Variants in MYRIP observed in about 807,000 individuals in gnomAD.
MYRIP encodes myosin VIIA and Rab interacting protein.
A neutral mutation model predicts 98.0 loss-of-function variants in MYRIP; 49 were observed. The observed-to-expected ratio is 0.50, with a 90% CI of 0.40 to 0.63. The LOEUF is 0.63. Ranked by LOEUF, MYRIP falls within the 30% of genes least tolerant of loss-of-function variation. The pLI, the probability that MYRIP is intolerant of heterozygous loss-of-function variation, is 0.00. For missense variants in MYRIP, 1,004 were observed against 1,058.2 expected (o/e 0.95, Z 0.71); for synonymous variants, 404 against 409.5 (o/e 0.99, Z 0.16).
intron 2 of MYRIP, among the ~76,000 whole-genome samples, chr3:40,025,354 A>G (rs1394491503): frequency 1.3e-5 from 2 of 151,830 alleles, no homozygotes; most frequent in Non-Finnish European, 2.9e-5. Context: ...GTTAGCCTTG[A>G]CAGATTTTTT....
At chr3:39,846,606 G>A (rs1941973323) in intron 1 of MYRIP, among the ~76,000 whole-genome samples, 1 of 152,184 alleles carries the variant, frequency 6.6e-6, no homozygotes, top group Non-Finnish European at 1.5e-5. Flanking sequence ...CCTCTATATA[G>A]CAAAACAAAA....
chr3:39,823,812 A>G (rs896037460), intron 1 of MYRIP, among the ~76,000 whole-genome samples: 1 of 151,790 alleles, frequency 6.6e-6, no homozygotes, highest in Non-Finnish European at 1.5e-5. Context: ...TTATCACTCT[A>G]TTTATTATGT....
At chr3:40,229,082 CAA>C (rs902257422) in intron 11 of MYRIP, among the ~76,000 whole-genome samples, 3 of 152,194 alleles carry the variant, frequency 2.0e-5, no homozygotes, top group African/African-American at 7.2e-5. Flanking sequence ...GGAGAATTTA[CAA>C]AGATTGCTAA....
intron 1 of MYRIP, among the ~76,000 whole-genome samples, chr3:39,829,761 T>C (rs915351099): frequency 6.6e-6 from 1 of 152,166 alleles, no homozygotes. Context: ...TTATATGCAC[T>C]GAGAAACCTA....
At chr3:40,080,651 A>G (rs1575521224) in intron 3 of MYRIP, among the ~76,000 whole-genome samples, 1 of 151,902 alleles carries the variant, frequency 6.6e-6, no homozygotes, top group African/African-American at 2.4e-5. Context: ...ATCTGTCTGC[A>G]TCTCTAGTAT....
chr3:39,894,882 G>A (rs1943569039), intron 1 of MYRIP, among the ~76,000 whole-genome samples: 1 of 152,110 alleles, frequency 6.6e-6, no homozygotes. Context: ...GATAATTACT[G>A]CCAGATTGCC....
At chr3:40,082,452 T>A (rs1948498763) in intron 3 of MYRIP, among the ~76,000 whole-genome samples, 3 of 152,220 alleles carry the variant, frequency 2.0e-5, no homozygotes. Flanking sequence ...TTCATACACC[T>A]GTCTTTTTCA....
chr3:39,935,258 G>A (rs1944632247), intron 2 of MYRIP, among the ~76,000 whole-genome samples: 1 of 152,184 alleles, frequency 6.6e-6, no homozygotes, highest in African/African-American at 2.4e-5. Flanking sequence ...TCAAGTGTGG[G>A]TGTGTTCAGG....
chr3:39,913,661 G>A (rs1944080801), intron 2 of MYRIP, among the ~76,000 whole-genome samples: 1 of 152,192 alleles, frequency 6.6e-6, no homozygotes, highest in Admixed American at 6.5e-5. Context: ...AGACACCCAT[G>A]TTATGATATT....
intron 2 of MYRIP, among the ~76,000 whole-genome samples, chr3:40,014,641 A>G (rs115756411): frequency 0.015 from 2,355 of 152,196 alleles, 50 homozygotes; most frequent in African/African-American, 0.052. Flanking sequence ...TGTACTTCCT[A>G]TTCCTGCCAC....
At chr3:39,940,240 T>C (rs1302352933) in intron 2 of MYRIP, among the ~76,000 whole-genome samples, 1 of 152,098 alleles carries the variant, frequency 6.6e-6, no homozygotes, top group African/African-American at 2.4e-5. Flanking sequence ...TACTCTATTG[T>C]ATTTGGAGAA....
At chr3:39,858,876 A>C (rs1308004949) in intron 1 of MYRIP, among the ~76,000 whole-genome samples, 1 of 152,102 alleles carries the variant, frequency 6.6e-6, no homozygotes, top group Non-Finnish European at 1.5e-5. Flanking sequence ...ACTTAAGAGG[A>C]GGCAGTAAAA....
rs151279762 is a variant in MYRIP at position 39,949,511 on chromosome 3, A to G, written c.110+48585A>G. Among the ~76,000 whole-genome samples, 147 of 152,286 alleles carry G rather than the reference A, an allele frequency of 9.7e-4. 1 individual carries two copies. Among genetic ancestry groups the G allele is most frequent in the Admixed American group, 1.8e-3 (28 of 15,280 alleles). On this transcript the variant is annotated intron_variant, in intron 2 of 16. Coordinates refer to ENST00000302541, the MANE Select transcript of MYRIP (RefSeq NM_015460.4). Reference sequence around the variant, plus strand: ...TCATGAGGACTAAAAAAAGTCTGAGAAACATTTGCTGCATAAAATGCCACA... The same window carrying G: ...TCATGAGGACTAAAAAAAGTCTGAGGAACATTTGCTGCATAAAATGCCACA...
intron 3 of MYRIP, among the ~76,000 whole-genome samples, chr3:40,061,005 A>G (rs566820671): frequency 6.6e-6 from 1 of 152,324 alleles, no homozygotes; most frequent in East Asian, 1.9e-4. Flanking sequence ...TGTTATTGAC[A>G]TATTTGATTA....
intron 2 of MYRIP, among the ~76,000 whole-genome samples, chr3:39,946,793 C>T (rs1047691068): frequency 2.0e-5 from 3 of 152,100 alleles, no homozygotes; most frequent in African/African-American, 7.2e-5. Flanking sequence ...GAGCTTATGA[C>T]CCATGGAAAC....
intron 1 of MYRIP, among the ~76,000 whole-genome samples, chr3:39,886,048 G>A (rs551476651): frequency 2.7e-4 from 41 of 152,126 alleles, no homozygotes; most frequent in South Asian, 8.3e-4. Flanking sequence ...GAGGAACTGC[G>A]TTCCAATTTT....
intron 2 of MYRIP, among the ~76,000 whole-genome samples, chr3:39,940,540 A>G (rs1944760078): frequency 6.6e-6 from 1 of 152,072 alleles, no homozygotes; most frequent in South Asian, 2.1e-4. Flanking sequence ...TCTCTTTTCA[A>G]TGGTATGTTT....
At chr3:39,958,478 G>A in intron 2 of MYRIP, among the ~76,000 whole-genome samples, 1 of 152,168 alleles carries the variant, frequency 6.6e-6, no homozygotes, top group Non-Finnish European at 1.5e-5. Context: ...CTAGCCATAT[G>A]CAGAAAGCTG....
intron 3 of MYRIP, among the ~76,000 whole-genome samples, chr3:40,062,487 T>C (rs1948039124): frequency 6.6e-6 from 1 of 152,170 alleles, no homozygotes; most frequent in Non-Finnish European, 1.5e-5. Flanking sequence ...AAGATTAGTA[T>C]AAATATTGTA....
Sources: allele counts gnomAD v4.1 joint callset (sites outside exome capture counted in the v4.1 genomes callset), GRCh38; gene constraint gnomAD v4.1.1; transcripts MANE v1.5; gene names NCBI Gene and HGNC (gene_info 2026-07-23, HGNC 2026-07-21).